The following ZNF611 variants were observed in gnomAD, a reference collection of about 807,000 sequenced individuals.
ZNF611 encodes the protein zinc finger protein 611.
In ZNF611, 6 loss-of-function variants were observed where a neutral mutation model predicts 8.9. The observed-to-expected ratio is 0.68, with a 90% CI of 0.37 to 1.34. The LOEUF (loss-of-function observed/expected upper bound fraction) is 1.34. Among genes scored for constraint, ZNF611 ranks in the 40% most tolerant of loss-of-function variants. The pLI is 0.02. For synonymous variants in ZNF611, 262 were observed against 279.7 expected (o/e 0.94, Z 0.63); for missense variants, 874 against 841.3 (o/e 1.04, Z -0.48).
At chr19:52,713,162 C>T (rs559095225) in intron 5 of ZNF611, among the ~76,000 whole-genome samples, 2 of 152,178 alleles carry the variant, frequency 1.3e-5, no homozygotes, top group African/African-American at 2.4e-5. Context: ...TGCCACTGCA[C>T]TCAAGCCTGG....
chr19:52,719,917 CT>C (rs2062343253), intron 3 of ZNF611, among the ~76,000 whole-genome samples: 1 of 152,190 alleles, frequency 6.6e-6, no homozygotes, highest in Admixed American at 6.5e-5. Flanking sequence ...TCCCTGCGGC[CT>C]TCCGCAGTGT....
At chr19:52,716,825 G>C (rs2062320536) in intron 3 of ZNF611, among the ~76,000 whole-genome samples, 3 of 152,108 alleles carry the variant, frequency 2.0e-5, no homozygotes, top group Admixed American at 2.0e-4. Flanking sequence ...GGGAGGCCAA[G>C]GCAGTCAGAC....
rs2035787906 is a variant in ZNF611 at position 52,703,040 on chromosome 19, T to C, written c.*1897A>G. 1.3e-5 allele frequency: 2 copies of C among 148,148 alleles called. No individual in the cohort carries two copies. Among genetic ancestry groups the C allele is most frequent in the African/African-American group, 5.0e-5 (2 of 39,750 alleles). The allele number at this position is 148,148 out of a possible 1,614,324, so 9.2% of individuals were successfully genotyped here. A position where few individuals can be genotyped will look rare whatever the true frequency, so the allele number is the denominator to read the frequency against. ...ATTCTGGGGTCAACCGGAAAATAAC[T>C]GGAAAATATACAAGTACAGAAACGA... On this transcript the variant is annotated 3_prime_UTR_variant, in exon 6 of 6. Coordinates refer to ENST00000652185, the MANE Select transcript of ZNF611 (RefSeq NM_001161499.2).
intron 5 of ZNF611, among the ~76,000 whole-genome samples, chr19:52,710,538 T>C (rs1164168096): frequency 6.6e-6 from 1 of 152,146 alleles, no homozygotes; most frequent in Non-Finnish European, 1.5e-5. Flanking sequence ...CCAATGTTTT[T>C]TAATTTAGTA....
chr19:52,721,845 A>G (rs1457588986), intron 3 of ZNF611, among the ~76,000 whole-genome samples: 1 of 151,568 alleles, frequency 6.6e-6, no homozygotes, highest in Non-Finnish European at 1.5e-5. Flanking sequence ...GCTCACCACA[A>G]CCTCTGCCTC....
In ZNF611 at chr19:52,704,973, T is replaced by TG; in HGVS notation, c.2081dup (p.Arg695ThrfsTer4). The TG allele has an allele frequency of 1.2e-6, 2 of 1,614,136 alleles. No individual in the cohort carries two copies. Among genetic ancestry groups the TG allele is most frequent in the Non-Finnish European group, 1.7e-6 (2 of 1,180,012 alleles). On this transcript the variant is annotated frameshift_variant, in exon 6 of 6. Transcript: ENST00000652185. LOFTEE classifies it low-confidence loss of function (END_TRUNC). The stretch of plus-strand genomic sequence containing the variant: ...CTCCAGTATGAATTCTATGATGACG[T>TG]GAAAGGTGTGATTGTTGATTAAAAG...
At chr19:52,719,196 A>C (rs1238248182) in intron 3 of ZNF611, among the ~76,000 whole-genome samples, 1 of 152,158 alleles carries the variant, frequency 6.6e-6, no homozygotes, top group Non-Finnish European at 1.5e-5. Context: ...GAATAAAAAC[A>C]CACAAAAAAA....
At chr19:52,726,646 C>G (rs945035041) in intron 3 of ZNF611, among the ~76,000 whole-genome samples, 1 of 151,784 alleles carries the variant, frequency 6.6e-6, no homozygotes, top group Admixed American at 6.6e-5. Context: ...TCTCGATCTC[C>G]TGACCCCGTG....
intron 5 of ZNF611, among the ~76,000 whole-genome samples, chr19:52,710,062 C>T (rs1436768184): frequency 1.3e-5 from 2 of 152,038 alleles, no homozygotes; most frequent in Non-Finnish European, 2.9e-5. Flanking sequence ...ATGTCTTAAG[C>T]TTTCCAGTTT....
intron 5 of ZNF611, 140 bp from the exon 6 acceptor site, chr19:52,707,004 G>A: frequency 1.5e-6 from 2 of 1,364,158 alleles, no homozygotes; most frequent in Non-Finnish European, 9.9e-7. Flanking sequence ...AACGAAAGGA[G>A]CAATATTCTT....
chr19:52,708,246 A>C (rs2062257653), intron 5 of ZNF611: 1 of 152,146 alleles, frequency 6.6e-6, no homozygotes, highest in Admixed American at 6.6e-5. Context: ...CTGTAATCCC[A>C]CCACTTTGGG....
Position 52,711,821 on chromosome 19 carries a change from G to A in ZNF611, c.190+2194C>T, listed in dbSNP as rs187212372. 7.1e-4 allele frequency among the ~76,000 whole-genome samples: 107 copies of A among 150,020 alleles called. 1 individual carries two copies. The highest frequency in any genetic ancestry group is 2.5e-3 in the East Asian group (13 of 5,176). ...AAATTGGGGTGTTCACTTTTACAAA[G>A]TCAATAGGCTGGTATTTGCATCCAG... On this transcript the variant is annotated intron_variant, in intron 5 of 5. Coordinates refer to ENST00000652185, the MANE Select transcript of ZNF611 (RefSeq NM_001161499.2).
At chr19:52,734,507 G>C (rs1350762169) in intron 1 of ZNF611, among the ~76,000 whole-genome samples, 3 of 139,288 alleles carry the variant, frequency 2.2e-5, no homozygotes, top group Non-Finnish European at 4.6e-5. Flanking sequence ...GGGAGCAGCA[G>C]GCCCCGGCAT....
chr19:52,728,838 A>C lies in ZNF611; in HGVS notation c.-121-7T>G, dbSNP rs1215411971. ...AAGCATTTGGAAGAGATATCTACAAAATATAAACACCAATACGTTTCCAAT... is the reference window on the plus strand; with the variant it reads ...AAGCATTTGGAAGAGATATCTACAACATATAAACACCAATACGTTTCCAAT... On this transcript the variant is annotated splice_region_variant and splice_polypyrimidine_tract_variant and intron_variant, in intron 2 of 5. Transcript: ENST00000652185. 5.5e-6 allele frequency: 1 copy of C among 180,592 alleles called. No homozygotes were observed. The highest frequency in any genetic ancestry group is 1.2e-5 in the Non-Finnish European group (1 of 82,318). 11.2% of individuals were successfully genotyped at this position (180,592 alleles called of 1,614,324 possible). A position where few individuals can be genotyped will look rare whatever the true frequency, so the allele number is the denominator to read the frequency against.
Position 52,715,868 on chromosome 19 carries a change from C to T in ZNF611, c.27G>A (p.Lys9=), listed in dbSNP as rs1334145167. 2 of 1,613,398 alleles carry T rather than the reference C, an allele frequency of 1.2e-6. No homozygotes were observed. The highest frequency in any genetic ancestry group is 2.7e-5 in the African/African-American group (2 of 75,050). MLREEAAQ[K]RKGKEPGMAL... ...CCATGCCTGGCTCCTTTCCTTTCCT[C>T]TTCTGAGCTGCTTCCTCACGTAACA... Residue 9 remains lysine (K), a synonymous_variant, in exon 4 of 6, where the codon AAG becomes AAA. Coordinates refer to ENST00000652185, the MANE Select transcript of ZNF611 (RefSeq NM_001161499.2).
intron 3 of ZNF611, among the ~76,000 whole-genome samples, chr19:52,722,152 A>G (rs1386887251): frequency 2.0e-5 from 3 of 152,106 alleles, no homozygotes; most frequent in Non-Finnish European, 2.9e-5. Flanking sequence ...CTTTGAGCCC[A>G]GGATTTTCAG....
chr19:52,726,119 C>G (rs971921202), intron 3 of ZNF611, among the ~76,000 whole-genome samples: 2 of 152,212 alleles, frequency 1.3e-5, no homozygotes, highest in Admixed American at 1.3e-4. Context: ...TTCTATTCTC[C>G]ATTCACTCAG....
In ZNF611 at chr19:52,705,169, T is replaced by C. The variant is rs2062231312; in HGVS notation, c.1886A>G (p.Asn629Ser). Residue 629 changes from asparagine to serine, a missense_variant, in exon 6 of 6, where the codon AAT becomes AGT. Physicochemically the swap from Asn to Ser is conservative, Grantham distance 46. Transcript: ENST00000652185. Reference protein sequence around the residue: ...EKPYKCNECGNTFRHCSSLIY... With the variant: ...EKPYKCNECGSTFRHCSSLIY... Reference sequence around the variant, plus strand: ...AAGGGATGAGCAGTGACGGAAGGTATTGCCACACTCATTACACTTGTAAGG... The same window carrying C: ...AAGGGATGAGCAGTGACGGAAGGTACTGCCACACTCATTACACTTGTAAGG... 6.2e-7 allele frequency: 1 copy of C among 1,614,166 alleles called. No individual in the cohort carries two copies.
chr19:52,720,475 A>G (rs1178504257), intron 3 of ZNF611, among the ~76,000 whole-genome samples: 1 of 104,292 alleles, frequency 9.6e-6, no homozygotes, highest in Non-Finnish European at 1.9e-5. Context: ...CACCTCCCAG[A>G]TGGGGCGGCC....
Sources: allele counts gnomAD v4.1 joint callset (sites outside exome capture counted in the v4.1 genomes callset), GRCh38; gene constraint gnomAD v4.1.1; transcripts MANE v1.5; gene names NCBI Gene and HGNC (gene_info 2026-07-23, HGNC 2026-07-21).